Variants in TAF4B observed in about 807,000 individuals in gnomAD.
TAF4B encodes TATA-box binding protein associated factor 4b.
In TAF4B, 38 loss-of-function variants were observed where a neutral mutation model predicts 86.4. The observed-to-expected ratio is 0.44, with a 90% CI of 0.34 to 0.58. TAF4B has a LOEUF of 0.58. TAF4B is among the 20% of genes least tolerant of loss of function. TAF4B has a pLI of 0.02. For missense variants in TAF4B, 988 were observed against 1,027.6 expected (o/e 0.96, Z 0.53); for synonymous variants, 388 against 391.2 (o/e 0.99, Z 0.10).
At chr18:26,320,926 G>T in intron 10 of TAF4B, 144 bp from the exon 11 acceptor site, 2 of 947,766 alleles carry the variant, frequency 2.1e-6, no homozygotes, top group African/African-American at 3.3e-5. Flanking sequence ...CTTTGAAGTT[G>T]TGACTTTACT....
At chr18:26,245,470 C>A (rs2055908596) in intron 1 of TAF4B, among the ~76,000 whole-genome samples, 1 of 152,080 alleles carries the variant, frequency 6.6e-6, no homozygotes, top group Non-Finnish European at 1.5e-5. Context: ...CTGGGGTGGC[C>A]AGCTTTTGTT....
At chr18:26,253,963 T>C (rs2056044309) in intron 1 of TAF4B, among the ~76,000 whole-genome samples, 1 of 145,280 alleles carries the variant, frequency 6.9e-6, no homozygotes. Context: ...TTTCGCTCTG[T>C]TGCCCAGGCT....
chr18:26,235,099 A>T (rs12960926), intron 1 of TAF4B, among the ~76,000 whole-genome samples: 31,607 of 152,116 alleles, frequency 0.21, 4,081 homozygotes, highest in Non-Finnish European at 0.3. Context: ...TCTGTGGCGT[A>T]TAAAGAGAAG....
At chr18:26,264,373 G>A (rs140846308) in intron 1 of TAF4B, among the ~76,000 whole-genome samples, 14 of 152,284 alleles carry the variant, frequency 9.2e-5, no homozygotes, top group Non-Finnish European at 1.9e-4. Flanking sequence ...CCCAGGAGGC[G>A]GAGGTTGCAG....
chr18:26,265,116 G>C lies in TAF4B; in HGVS notation c.344-54G>C, dbSNP rs1020848717. On this transcript the variant is annotated intron_variant, in intron 1 of 14. Transcript: ENST00000269142. ...AAATGGGAGAAGAAAATATGTGATG[G>C]TTATGCTGTATTTAGTGGCTCAGAG... 3.9e-6 allele frequency: 6 copies of C among 1,548,364 alleles called. No individual in the cohort carries two copies. The South Asian group carries it at 4.9e-5, about 13-fold the overall frequency.
chr18:26,347,826 A>G (rs2057212483), intron 13 of TAF4B, among the ~76,000 whole-genome samples: 1 of 152,252 alleles, frequency 6.6e-6, no homozygotes, highest in Admixed American at 6.5e-5. Flanking sequence ...AAAGAAACAA[A>G]GACATTATAC....
intron 5 of TAF4B, among the ~76,000 whole-genome samples, chr18:26,276,015 C>CA (rs374826135): frequency 0.3 from 22,564 of 75,332 alleles, 2,319 homozygotes; most frequent in Admixed American, 0.35. Flanking sequence ...GACTCTGTCT[C>CA]AAAAAAAAAA....
intron 1 of TAF4B, among the ~76,000 whole-genome samples, chr18:26,258,258 A>AC (rs1568109483): frequency 6.6e-6 from 1 of 151,976 alleles, no homozygotes; most frequent in South Asian, 2.1e-4. Context: ...ATCTCAAAAA[A>AC]AAAAAAAAGC....
intron 1 of TAF4B, among the ~76,000 whole-genome samples, chr18:26,245,543 C>T (rs1044862179): frequency 1.3e-5 from 2 of 152,048 alleles, no homozygotes; most frequent in African/African-American, 4.8e-5. Flanking sequence ...TTCAATCTTC[C>T]CTGTGATTGG....
At chr18:26,325,184 G>A (rs1326876781) in intron 11 of TAF4B, among the ~76,000 whole-genome samples, 1 of 152,204 alleles carries the variant, frequency 6.6e-6, no homozygotes, top group Non-Finnish European at 1.5e-5. Flanking sequence ...TTTTCCCACT[G>A]AAGATATGTT....
Position 26,321,219 on chromosome 18 carries a change from G to T in TAF4B, c.2133+19G>T. ...TTACAAGGTAAAGGAAATCATTAAA[G>T]AAGTATAAACTCTCGAGTGTTATAG... On this transcript the variant is annotated intron_variant, in intron 11 of 14. Transcript: ENST00000269142. 3 of 1,613,092 alleles carry T rather than the reference G, an allele frequency of 1.9e-6. No individual in the cohort carries two copies. Among genetic ancestry groups the T allele is most frequent in the Non-Finnish European group, 2.5e-6 (3 of 1,179,432 alleles).
intron 7 of TAF4B, among the ~76,000 whole-genome samples, chr18:26,291,803 A>G (rs896651653): frequency 2.0e-5 from 3 of 152,144 alleles, no homozygotes; most frequent in Non-Finnish European, 4.4e-5. Context: ...ATACAACGAT[A>G]TATCTGAGAT....
chr18:26,277,873 C>T (rs1055389047), intron 5 of TAF4B, among the ~76,000 whole-genome samples: 1 of 152,230 alleles, frequency 6.6e-6, no homozygotes, highest in Middle Eastern at 3.4e-3. Context: ...ATTCACCAAC[C>T]TTATTAGAAA....
chr18:26,232,231 C>T (rs186299395), intron 1 of TAF4B, among the ~76,000 whole-genome samples: 230 of 152,262 alleles, frequency 1.5e-3, no homozygotes, highest in African/African-American at 4.2e-3. Context: ...CCCCCACCCC[C>T]GTCTAAACAG....
In TAF4B at chr18:26,357,700, TG is replaced by T; in HGVS notation, c.2329del (p.Glu777AsnfsTer26). The stretch of plus-strand genomic sequence containing the variant: ...TCTTCCGTCTTCTAGTTACAGCAAT[TG>T]GAACTTGCACAGATACAGCATAGAG... Reference protein sequence around the residue: ...LKQKAKELQQLELAQIQHRDA... With the variant: ...LKQKAKELQQXELAQIQHRDA... On this transcript the variant is annotated frameshift_variant, in exon 14 of 15. Coordinates refer to ENST00000269142, the MANE Select transcript of TAF4B (RefSeq NM_005640.3). LOFTEE classifies it high-confidence loss of function. 1 of 1,607,848 alleles carries T rather than the reference TG, an allele frequency of 6.2e-7. No homozygotes were observed. The highest frequency in any genetic ancestry group is 8.5e-7 in the Non-Finnish European group (1 of 1,177,128).
At chr18:26,239,719 A>C (rs2144456268) in intron 1 of TAF4B, among the ~76,000 whole-genome samples, 1 of 152,314 alleles carries the variant, frequency 6.6e-6, no homozygotes, top group Admixed American at 6.5e-5. Flanking sequence ...TCATGGTTTT[A>C]GGTCTAACAT....
chr18:26,309,918 G>A (rs1036492707), intron 9 of TAF4B, among the ~76,000 whole-genome samples: 1 of 152,064 alleles, frequency 6.6e-6, no homozygotes, highest in Admixed American at 6.6e-5. Flanking sequence ...TCTGCCTCCC[G>A]GGTTCAAGAG....
At chr18:26,352,199 A>G (rs1190901701) in intron 13 of TAF4B, among the ~76,000 whole-genome samples, 2 of 152,130 alleles carry the variant, frequency 1.3e-5, no homozygotes, top group Admixed American at 1.3e-4. Context: ...TAAATGATTC[A>G]AATATACCAT....
intron 14 of TAF4B, among the ~76,000 whole-genome samples, chr18:26,359,723 A>G (rs2057315822): frequency 6.6e-6 from 1 of 151,804 alleles, no homozygotes; most frequent in Admixed American, 6.6e-5. Context: ...TTATTTACCT[A>G]TTTGTTTGTT....
Sources: allele counts gnomAD v4.1 joint callset (sites outside exome capture counted in the v4.1 genomes callset), GRCh38; gene constraint gnomAD v4.1.1; transcripts MANE v1.5; gene names NCBI Gene and HGNC (gene_info 2026-07-23, HGNC 2026-07-21).